Variants in PIWIL1 observed in about 807,000 individuals in gnomAD.
The protein encoded by PIWIL1 is piwi-like protein 1.
Under a neutral mutation model 114.4 loss-of-function variants are expected in PIWIL1, and 73 were observed. The ratio of observed to expected loss-of-function variants is 0.64; its 90% CI spans 0.53 to 0.78. The LOEUF is 0.78. PIWIL1 is among the 30% of genes least tolerant of loss of function. The pLI is 0.00. For synonymous variants in PIWIL1, 375 were observed against 369.0 expected (o/e 1.02, Z -0.19); for missense variants, 723 against 1,063.1 (o/e 0.68, Z 4.45).
At chr12:130,391,010 A>T in the PIWIL1 span, among the ~76,000 whole-genome samples, 1 of 151,580 alleles carries the variant, frequency 6.6e-6, no homozygotes, top group Non-Finnish European at 1.5e-5. Context: ...GAGTCCCAGC[A>T]GGTGCTGTCC....
chr12:130,413,299 A>C, the PIWIL1 span, among the ~76,000 whole-genome samples: 99,339 of 151,850 alleles, frequency 0.65, 32,825 homozygotes, highest in East Asian at 0.78. Flanking sequence ...ACTGAACAGC[A>C]CACTTTCTCT....
At chr12:130,339,069 A>G (rs1452151942) in intron 1 of PIWIL1, among the ~76,000 whole-genome samples, 2 of 152,116 alleles carry the variant, frequency 1.3e-5, no homozygotes, top group Admixed American at 6.5e-5. Context: ...GCGGAGGGCG[A>G]GGGCCCCTTC....
chr12:130,400,562 C>A, the PIWIL1 span, among the ~76,000 whole-genome samples: 2 of 152,122 alleles, frequency 1.3e-5, no homozygotes, highest in African/African-American at 4.8e-5. Flanking sequence ...GTGCCTAAAC[C>A]AAGTTCAAAA....
intron 19 of PIWIL1, among the ~76,000 whole-genome samples, chr12:130,368,589 T>C (rs942520366): frequency 2.0e-5 from 3 of 152,186 alleles, no homozygotes; most frequent in Non-Finnish European, 4.4e-5. Context: ...TTCTAGCCTA[T>C]TGGGGAAAAA....
At chr12:130,406,389 G>A in the PIWIL1 span, 1 of 599,908 alleles carries the variant, frequency 1.7e-6, no homozygotes, top group East Asian at 2.9e-5. Context: ...AGAAGCTAAT[G>A]AATGGCTCTG....
chr12:130,354,515 G>T (rs748671026), intron 9 of PIWIL1, 22 bp from the exon 10 acceptor site: 1 of 1,613,516 alleles, frequency 6.2e-7, no homozygotes, highest in East Asian at 2.2e-5. Context: ...CGTGAACAGC[G>T]ACCCTTTCGT....
downstream of PIWIL1, among the ~76,000 whole-genome samples, chr12:130,376,921 G>T (rs1013820608): frequency 1.1e-4 from 16 of 152,166 alleles, no homozygotes; most frequent in Non-Finnish European, 2.1e-4. Context: ...TTCTCCTCCT[G>T]CCTTAGGGCC....
chr12:130,406,282 C>T, the PIWIL1 span: 25 of 1,371,916 alleles, frequency 1.8e-5, no homozygotes, highest in East Asian at 4.8e-4. Context: ...TATTTTTCTA[C>T]ACAACAGTAG....
the PIWIL1 span, among the ~76,000 whole-genome samples, chr12:130,406,445 C>G: frequency 6.6e-6 from 1 of 152,140 alleles, no homozygotes; most frequent in Non-Finnish European, 1.5e-5. Flanking sequence ...TAATGTGCAC[C>G]TAAAAGGAAA....
chr12:130,398,290 A>G, the PIWIL1 span: 2 of 152,268 alleles, frequency 1.3e-5, no homozygotes. Flanking sequence ...TTGGCAGTGC[A>G]GCAGCATTCC....
At chr12:130,386,605 C>T in the PIWIL1 span, among the ~76,000 whole-genome samples, 51 of 5,070 alleles carry the variant, frequency 0.01, no homozygotes, top group Non-Finnish European at 0.012. Flanking sequence ...CCATGCACAC[C>T]ACCCCCTTCC....
chr12:130,391,217 C>G, the PIWIL1 span, among the ~76,000 whole-genome samples: 1 of 152,222 alleles, frequency 6.6e-6, no homozygotes, highest in African/African-American at 2.4e-5. Context: ...CCCGGCTTCT[C>G]GCCAAGGTGA....
At chr12:130,344,334 C>T (rs890880218) in intron 3 of PIWIL1, among the ~76,000 whole-genome samples, 2 of 152,146 alleles carry the variant, frequency 1.3e-5, no homozygotes, top group Non-Finnish European at 2.9e-5. Context: ...ATAAAAAGCT[C>T]ACTGAGAGAG....
intron 19 of PIWIL1, among the ~76,000 whole-genome samples, chr12:130,369,524 G>C (rs1341813640): frequency 3.3e-5 from 2 of 61,020 alleles, no homozygotes; most frequent in African/African-American, 1.0e-4. Context: ...CAGTGTAAAA[G>C]TGTTCCTATT....
chr12:130,386,450 GTCTCCATTCACCCATGCACA>G, the PIWIL1 span, among the ~76,000 whole-genome samples: 1 of 116,280 alleles, frequency 8.6e-6, no homozygotes, highest in Non-Finnish European at 1.7e-5. Context: ...ACCCCTTCCT[GTCTCCATTCACCCATGCACA>G]CTACCCCTTC....
the PIWIL1 span, chr12:130,414,104 C>T: frequency 2.5e-6 from 4 of 1,613,638 alleles, no homozygotes; most frequent in Middle Eastern, 6.9e-4. Flanking sequence ...ATGAAGCCGC[C>T]CGCAGGCAGC....
At chr12:130,424,234 G>A in the PIWIL1 span, 362 of 1,231,948 alleles carry the variant, frequency 2.9e-4, no homozygotes, top group African/African-American at 4.5e-3. This position sits in a 1 kb window ranked among gnomAD's most constrained non-coding sequence, Gnocchi z 9.8. Context: ...CAGACACCCC[G>A]AAAATCTTGG....
intron 1 of PIWIL1, among the ~76,000 whole-genome samples, chr12:130,338,944 G>C (rs1001310623): frequency 6.6e-6 from 1 of 151,798 alleles, no homozygotes; most frequent in Non-Finnish European, 1.5e-5. Context: ...CGGGGGTGCG[G>C]GGGCGGAGGT....
the PIWIL1 span, among the ~76,000 whole-genome samples, chr12:130,389,998 G>T: frequency 6.6e-6 from 1 of 152,066 alleles, no homozygotes; most frequent in Non-Finnish European, 1.5e-5. Flanking sequence ...CCACTTAGTA[G>T]CCAGGGTTAA....
Sources: gnomAD v4.1 joint callset for allele counts (sites outside exome capture counted in the v4.1 genomes callset) on GRCh38, gnomAD v4.1.1 for gene constraint, Gnocchi (gnomAD v3.1) non-coding constraint, MANE v1.5 for transcripts, NCBI Gene and HGNC (gene_info 2026-07-23, HGNC 2026-07-21) for gene names.